Variants in CDK14 observed in about 807,000 individuals in gnomAD.
CDK14 encodes the protein cyclin dependent kinase 14.
A neutral mutation model predicts 60.7 loss-of-function variants in CDK14; 34 were observed. That is an observed-to-expected ratio of 0.56 (90% CI 0.43 to 0.75). The LOEUF (loss-of-function observed/expected upper bound fraction) is 0.75, where lower values mean the gene tolerates loss of function less well. CDK14 is among the 30% of genes least tolerant of loss of function. The pLI is 0.00. For missense variants in CDK14, 482 were observed against 564.1 expected, an observed-to-expected ratio of 0.85 and a Z score of 1.47; for synonymous variants, 197 against 203.7, an observed-to-expected ratio of 0.97 and a Z score of 0.28.
chr7:91,045,096 C>G (rs1000599458), intron 10 of CDK14, among the ~76,000 whole-genome samples: 1 of 152,134 alleles, frequency 6.6e-6, no homozygotes, highest in African/African-American at 2.4e-5. Flanking sequence ...TCTTCAGAGC[C>G]TGGCCTCTTA....
At chr7:90,988,009 A>G (rs1258092854) in intron 10 of CDK14, among the ~76,000 whole-genome samples, 1 of 152,198 alleles carries the variant, frequency 6.6e-6, no homozygotes, top group East Asian at 1.9e-4. Flanking sequence ...AATAACTTTG[A>G]AGCACAAAAT....
intron 5 of CDK14, among the ~76,000 whole-genome samples, chr7:90,801,268 A>C (rs1381013295): frequency 6.6e-6 from 1 of 152,182 alleles, no homozygotes; most frequent in African/African-American, 2.4e-5. Flanking sequence ...TTGTTTTCTT[A>C]TTACTGAAGT....
intron 4 of CDK14, among the ~76,000 whole-genome samples, chr7:90,766,971 A>G (rs1194280956): frequency 6.6e-6 from 1 of 151,384 alleles, no homozygotes; most frequent in Non-Finnish European, 1.5e-5. Flanking sequence ...CCCTCTGGGC[A>G]TGAGTGTGAG....
At chr7:91,199,819 G>A (rs1802662221) in intron 14 of CDK14, among the ~76,000 whole-genome samples, 1 of 152,116 alleles carries the variant, frequency 6.6e-6, no homozygotes, top group Non-Finnish European at 1.5e-5. Flanking sequence ...TAAAGGATTT[G>A]GGCTATTTTG....
At chr7:91,188,182 A>T (rs954426191) in intron 14 of CDK14, among the ~76,000 whole-genome samples, 66 of 151,628 alleles carry the variant, frequency 4.4e-4, no homozygotes, top group African/African-American at 1.4e-3. Context: ...TGTGTGATTC[A>T]TTTTTTTTTA....
At chr7:91,131,250 C>A (rs180999633) in intron 14 of CDK14, among the ~76,000 whole-genome samples, 6 of 152,060 alleles carry the variant, frequency 3.9e-5, no homozygotes, top group Admixed American at 6.6e-5. Flanking sequence ...GAGTACTGTT[C>A]AGGTATTTTG....
chr7:91,054,810 A>G (rs1313097984), intron 11 of CDK14, among the ~76,000 whole-genome samples: 1 of 152,184 alleles, frequency 6.6e-6, no homozygotes, highest in Admixed American at 6.5e-5. Context: ...ACAACTTACC[A>G]TGCCTGTGAG....
intron 12 of CDK14, among the ~76,000 whole-genome samples, chr7:91,099,587 A>T (rs1015465993): frequency 6.6e-6 from 1 of 152,178 alleles, no homozygotes; most frequent in Admixed American, 6.5e-5. Flanking sequence ...AGTCGGTGAA[A>T]TAATAAGATG....
intron 12 of CDK14, among the ~76,000 whole-genome samples, chr7:91,112,275 T>C (rs1799486888): frequency 6.6e-6 from 1 of 152,202 alleles, no homozygotes. Context: ...CCTCTGGACC[T>C]AGTTTTATCT....
chr7:91,035,059 A>T (rs529932630), intron 10 of CDK14, among the ~76,000 whole-genome samples: 1 of 152,200 alleles, frequency 6.6e-6, no homozygotes, highest in East Asian at 1.9e-4. Context: ...ATTAGCATTG[A>T]CACTGTAGAA....
chr7:90,943,705 G>A (rs1258950555), intron 8 of CDK14, among the ~76,000 whole-genome samples: 1 of 152,126 alleles, frequency 6.6e-6, no homozygotes, highest in Non-Finnish European at 1.5e-5. Flanking sequence ...CCCCTAAAGG[G>A]GATCTTGAGC....
At chr7:90,700,862 CTG>C (rs2116613979) in intron 2 of CDK14, among the ~76,000 whole-genome samples, 1 of 152,226 alleles carries the variant, frequency 6.6e-6, no homozygotes, top group African/African-American at 2.4e-5. Flanking sequence ...GTATAAGTAT[CTG>C]TGAGAGCAGC....
chr7:90,757,209 A>AGTGTGTGT (rs56790315), intron 4 of CDK14, among the ~76,000 whole-genome samples: 4,671 of 119,500 alleles, frequency 0.039, 59 homozygotes, highest in Non-Finnish European at 0.057. Context: ...GCATTCTTCC[A>AGTGTGTGT]GTGTGTGTGT....
At chr7:90,968,457 A>C (rs1794820986) in intron 9 of CDK14, among the ~76,000 whole-genome samples, 1 of 152,146 alleles carries the variant, frequency 6.6e-6, no homozygotes, top group South Asian at 2.1e-4. Flanking sequence ...ATTTTCCTAC[A>C]CCCATGTGGG....
intron 6 of CDK14, among the ~76,000 whole-genome samples, chr7:90,896,659 C>T (rs1792347192): frequency 6.6e-6 from 1 of 152,122 alleles, no homozygotes; most frequent in African/African-American, 2.4e-5. Context: ...ATTGAGTAAA[C>T]TCTGCAAATT....
intron 4 of CDK14, among the ~76,000 whole-genome samples, chr7:90,757,425 GT>G (rs1259415578): frequency 6.6e-6 from 1 of 152,020 alleles, no homozygotes; most frequent in Non-Finnish European, 1.5e-5. Flanking sequence ...TTTTTGAACA[GT>G]TCAATCCATA....
chr7:91,184,012 TAGTG>T (rs1371888392), intron 14 of CDK14, among the ~76,000 whole-genome samples: 3 of 151,940 alleles, frequency 2.0e-5, no homozygotes, highest in East Asian at 1.9e-4. Context: ...CTGAGCAACA[TAGTG>T]AGTAAGACCT....
intron 6 of CDK14, among the ~76,000 whole-genome samples, chr7:90,866,258 AC>A (rs1194932449): frequency 1.3e-5 from 2 of 151,648 alleles, no homozygotes; most frequent in African/African-American, 4.8e-5. Context: ...ACACACACAC[AC>A]ACACACACAC....
At chr7:90,668,420 A>G (rs1169756168) in intron 2 of CDK14, among the ~76,000 whole-genome samples, 1 of 152,150 alleles carries the variant, frequency 6.6e-6, no homozygotes, top group Non-Finnish European at 1.5e-5. Flanking sequence ...TGTTAGTCCC[A>G]TATCAGATAA....
Sources: allele counts gnomAD v4.1 joint callset (sites outside exome capture counted in the v4.1 genomes callset), GRCh38; gene constraint gnomAD v4.1.1; transcripts MANE v1.5; gene names NCBI Gene and HGNC (gene_info 2026-07-23, HGNC 2026-07-21).